The following PLB1 variants were observed in gnomAD, a reference collection of about 807,000 sequenced individuals.
PLB1 encodes phospholipase B1, membrane-associated.
PLB1 carries 242 observed loss-of-function variants against 227.4 expected under a neutral mutation model. The ratio of observed to expected loss-of-function variants is 1.06; its 90% CI spans 0.96 to 1.18. The LOEUF is 1.18. PLB1 is among the 50% of genes most tolerant of loss of function. The pLI is 0.00. For synonymous variants in PLB1, 757 were observed against 682.2 expected (o/e 1.11, Z -1.71); for missense variants, 1,858 against 1,816.3 (o/e 1.02, Z -0.42).
At chr2:28,551,983 A>G (rs1229952734) in intron 16 of PLB1, among the ~76,000 whole-genome samples, 1 of 152,194 alleles carries the variant, frequency 6.6e-6, no homozygotes, top group Non-Finnish European at 1.5e-5. Context: ...AAATGAATGG[A>G]TAGGTGGATG....
In PLB1 at chr2:28,618,389, AC is replaced by A; in HGVS notation, c.3306del (p.Ser1103LeufsTer2). ...ADIKVVAALG[D>X]SLTTAVGARP... The stretch of plus-strand genomic sequence containing the variant: ...ATCAAAGTGGTGGCCGCCCTGGGTG[AC>A]TCTCTGACTGTGAGTAGTGAGCCAT... On this transcript the variant is annotated frameshift_variant, in exon 46 of 58. Transcript: ENST00000327757. LOFTEE classifies it high-confidence loss of function. 1 of 1,613,884 alleles carries A rather than the reference AC, an allele frequency of 6.2e-7. No individual in the cohort carries two copies. Among genetic ancestry groups the A allele is most frequent in the Non-Finnish European group, 8.5e-7 (1 of 1,179,928 alleles).
At chr2:28,538,655 G>A (rs577005762) in intron 10 of PLB1, among the ~76,000 whole-genome samples, 1 of 152,316 alleles carries the variant, frequency 6.6e-6, no homozygotes, top group Admixed American at 6.5e-5. Flanking sequence ...CTCTACCTGA[G>A]ACTGGGGCGA....
intron 1 of PLB1, among the ~76,000 whole-genome samples, chr2:28,510,038 T>A (rs1427902365): frequency 6.6e-6 from 1 of 152,164 alleles, no homozygotes; most frequent in East Asian, 1.9e-4. Context: ...CATGGATGAC[T>A]CACATCATCA....
chr2:28,541,185 T>TAAAATAAATAAATAAATAAA (rs1553414256), intron 12 of PLB1, among the ~76,000 whole-genome samples: 3 of 149,994 alleles, frequency 2.0e-5, no homozygotes, highest in African/African-American at 7.4e-5. Flanking sequence ...AATAAATAAA[T>TAAAATAAATAAATAAATAAA]TAAATAAATA....
chr2:28,634,085 C>T (rs1460365171), intron 56 of PLB1, among the ~76,000 whole-genome samples: 4 of 152,200 alleles, frequency 2.6e-5, no homozygotes, highest in African/African-American at 9.7e-5. Context: ...CTTTTAAGAA[C>T]AGCATGTAAA....
At position 28,503,794 on chromosome 2, in the gene PLB1, G is replaced by T. The variant is rs538581581; in HGVS notation, c.55+7625G>T. Reference sequence around the variant, plus strand: ...AAGCCACAAAGCCTTCTAATGTCCGGTCCCCAAAGTCATTTCTGCTGCTTC... The same window carrying T: ...AAGCCACAAAGCCTTCTAATGTCCGTTCCCCAAAGTCATTTCTGCTGCTTC... On this transcript the variant is annotated intron_variant, in intron 1 of 57. Coordinates refer to ENST00000327757, the MANE Select transcript of PLB1 (RefSeq NM_153021.5). 1.1e-4 allele frequency among the ~76,000 whole-genome samples: 17 copies of T among 152,200 alleles called. No homozygotes were observed. In the South Asian group the frequency reaches 3.5e-3, roughly 32 times the overall value.
At chr2:28,497,874 G>A (rs61306479) in intron 1 of PLB1, among the ~76,000 whole-genome samples, 65,562 of 150,964 alleles carry the variant, frequency 0.43, 16,195 homozygotes, top group Middle Eastern at 0.63. Context: ...GCCTGCCGCC[G>A]TGCCTGGCTA....
At chr2:28,532,028 A>C (rs1158981624) in intron 8 of PLB1, 80 bp from the exon 9 acceptor site, 1 of 1,116,372 alleles carries the variant, frequency 9.0e-7, no homozygotes, top group African/African-American at 1.6e-5. Context: ...TATGAAATGG[A>C]AAGACATGAA....
chr2:28,521,401 G>A (rs1669516280), intron 4 of PLB1, among the ~76,000 whole-genome samples: 1 of 152,168 alleles, frequency 6.6e-6, no homozygotes, highest in African/African-American at 2.4e-5. Flanking sequence ...CACCAACAGT[G>A]CACAAGGGTT....
chr2:28,592,708 G>A lies in PLB1; in HGVS notation c.2236G>A (p.Asp746Asn). The A allele has an allele frequency of 1.2e-6, 2 of 1,614,120 alleles. No individual in the cohort carries two copies. The highest frequency in any genetic ancestry group is 8.5e-7 in the Non-Finnish European group (1 of 1,180,002). Reference sequence around the variant, plus strand: ...CATCCAAGTTGTGGCTGCTCTGGGGGATTCTCTGACCGTAAGGACTCTTGG... The same window carrying A: ...CATCCAAGTTGTGGCTGCTCTGGGGAATTCTCTGACCGTAAGGACTCTTGG... Reference protein sequence around the residue: ...ADIQVVAALGDSLTAGNGIGS... With the variant: ...ADIQVVAALGNSLTAGNGIGS... The change falls in exon 32 of 58, where the codon GAT becomes AAT. Residue 746 changes from aspartate to asparagine, a missense_variant. Coordinates refer to ENST00000327757, the MANE Select transcript of PLB1 (RefSeq NM_153021.5).
intron 7 of PLB1, 23 bp downstream of exon 7, chr2:28,529,430 T>C (rs1189991633): frequency 2.6e-6 from 4 of 1,546,344 alleles, no homozygotes; most frequent in East Asian, 4.5e-5. Context: ...TCTGTCTCTC[T>C]CTGAGGTTAT....
chr2:28,537,993 G>C (rs1372294535), intron 9 of PLB1, among the ~76,000 whole-genome samples: 2 of 152,196 alleles, frequency 1.3e-5, no homozygotes, highest in Non-Finnish European at 2.9e-5. Context: ...TAAGTCTCCT[G>C]TCCCTCAGTG....
intron 56 of PLB1, chr2:28,633,496 T>A: frequency 6.4e-6 from 1 of 155,894 alleles, no homozygotes; most frequent in Non-Finnish European, 1.4e-5. Context: ...TCAGCAAATG[T>A]CACCACCATC....
At position 28,632,932 on chromosome 2, in the gene PLB1, C is replaced by T. The variant is rs528328511; in HGVS notation, c.4003-12C>T. 1.3e-5 allele frequency: 20 copies of T among 1,595,248 alleles called. No homozygotes were observed. Among genetic ancestry groups the T allele is most frequent in the Admixed American group, 1.0e-4 (6 of 59,572 alleles). On this transcript the variant is annotated splice_polypyrimidine_tract_variant and intron_variant, in intron 55 of 57. Coordinates refer to ENST00000327757, the MANE Select transcript of PLB1 (RefSeq NM_153021.5). ...TTTCCCAGGATGATAACCTCCTTGC[C>T]GTTGGTTGCAGAGAGGGGACACTGA...
chr2:28,498,717 T>C (rs1387517197), intron 1 of PLB1, among the ~76,000 whole-genome samples: 2 of 152,250 alleles, frequency 1.3e-5, no homozygotes, highest in African/African-American at 4.8e-5. Context: ...CTATTAGTCC[T>C]TATCTATCTC....
intron 29 of PLB1, 59 bp downstream of exon 29, chr2:28,590,135 C>T: frequency 7.0e-7 from 1 of 1,419,808 alleles, no homozygotes; most frequent in Non-Finnish European, 1.0e-6. Flanking sequence ...TGGCTCATTT[C>T]ATCCTAGGCC....
intron 46 of PLB1, among the ~76,000 whole-genome samples, 160 bp from the exon 47 acceptor site, chr2:28,620,101 AATGT>A (rs1281115380): frequency 6.7e-6 from 1 of 148,548 alleles, no homozygotes; most frequent in Non-Finnish European, 1.5e-5. Context: ...TGAGGAGAAG[AATGT>A]ATCAAGACCA....
chr2:28,622,393 A>T (rs998171526), intron 49 of PLB1, among the ~76,000 whole-genome samples: 1 of 152,260 alleles, frequency 6.6e-6, no homozygotes, highest in Admixed American at 6.5e-5. Context: ...CATAAGGATT[A>T]AATGAGATAA....
intron 17 of PLB1, among the ~76,000 whole-genome samples, chr2:28,555,164 CAG>C (rs1264846795): frequency 1.0e-5 from 1 of 100,404 alleles, no homozygotes; most frequent in Non-Finnish European, 1.9e-5. Context: ...TTTTTTGAGA[CAG>C]AGTTTTGCTC....
Sources: allele counts gnomAD v4.1 joint callset (sites outside exome capture counted in the v4.1 genomes callset), GRCh38; gene constraint gnomAD v4.1.1; transcripts MANE v1.5; gene names NCBI Gene and HGNC (gene_info 2026-07-23, HGNC 2026-07-21).